MYO5B: variants seen among roughly 807,000 people sequenced by gnomAD.
MYO5B encodes myosin VB.
A neutral mutation model predicts 229.3 loss-of-function variants in MYO5B; 143 were observed. That is an observed-to-expected ratio of 0.62 (90% CI 0.54 to 0.72). The LOEUF (loss-of-function observed/expected upper bound fraction) is 0.72, where lower values mean the gene tolerates loss of function less well. Among genes scored for constraint, MYO5B ranks in the 30% least tolerant of loss-of-function variants. MYO5B has a pLI of 0.00. For missense variants in MYO5B, 2,321 were observed against 2,331.0 expected, an observed-to-expected ratio of 1.00 and a Z score of 0.09; for synonymous variants, 918 against 885.2, an observed-to-expected ratio of 1.04 and a Z score of -0.66.
rs1357624393 is a variant in MYO5B at position 49,823,796 on chromosome 18, T to C, written c.*2675A>G. The C allele has an allele frequency of 4.6e-5, 7 of 152,500 alleles. No individual in the cohort carries two copies. The highest frequency in any genetic ancestry group is 7.3e-5 in the Non-Finnish European group (5 of 68,038). 9.4% of individuals were successfully genotyped at this position (152,500 alleles called of 1,614,324 possible). ...GCTTGTCAGCTTCAGCAACAACTCATGTGTACATTCACATTTACTATAAGT... is the reference window on the plus strand; with the variant it reads ...GCTTGTCAGCTTCAGCAACAACTCACGTGTACATTCACATTTACTATAAGT... On this transcript the variant is annotated 3_prime_UTR_variant, in exon 40 of 40. Transcript: ENST00000285039.
chr18:49,910,457 A>C (rs1419519479), intron 18 of MYO5B, among the ~76,000 whole-genome samples: 3 of 152,176 alleles, frequency 2.0e-5, no homozygotes, highest in Non-Finnish European at 1.5e-5. Context: ...ATAAAAAGTA[A>C]GATGTTAAAA....
intron 2 of MYO5B, among the ~76,000 whole-genome samples, chr18:50,043,621 AATAT>A (rs1568083634): frequency 7.4e-6 from 1 of 134,560 alleles, no homozygotes; most frequent in Non-Finnish European, 1.5e-5. Context: ...AATATATATA[AATAT>A]ATAAATATAT....
chr18:50,068,229 G>A lies in MYO5B; in HGVS notation c.28-12851C>T, dbSNP rs566760545. Among the ~76,000 whole-genome samples, 4 of 152,322 alleles carry A rather than the reference G, an allele frequency of 2.6e-5. No individual in the cohort carries two copies. In the South Asian group the frequency reaches 8.3e-4, roughly 32 times the overall value. ...ATATGTGAGATTAATGGTAGATACT[G>A]AAATATGTGCACATCCCTATTTTAA... On this transcript the variant is annotated intron_variant, in intron 1 of 39. Coordinates refer to ENST00000285039, the MANE Select transcript of MYO5B (RefSeq NM_001080467.3).
intron 9 of MYO5B, among the ~76,000 whole-genome samples, 183 bp from the exon 10 acceptor site, chr18:49,974,798 G>GACACACCCACACACACACACACACAC (rs2025730825): frequency 7.6e-6 from 1 of 130,996 alleles, no homozygotes; most frequent in Non-Finnish European, 1.6e-5. Flanking sequence ...CACACACACA[G>GACACACCCACACACACACACACACAC]ACACACACAC....
chr18:50,132,254 T>C (rs1171891689), intron 1 of MYO5B, among the ~76,000 whole-genome samples: 1 of 152,130 alleles, frequency 6.6e-6, no homozygotes, highest in Non-Finnish European at 1.5e-5. Flanking sequence ...TTGGGCATGG[T>C]TGGAGGAGCA....
intron 4 of MYO5B, among the ~76,000 whole-genome samples, chr18:50,017,591 C>T (rs964905148): frequency 8.5e-5 from 13 of 152,146 alleles, no homozygotes; most frequent in African/African-American, 2.4e-4. Context: ...TTACGAATAA[C>T]GCTACTATAA....
chr18:50,059,089 C>A (rs1287302827), intron 1 of MYO5B, among the ~76,000 whole-genome samples: 2 of 152,180 alleles, frequency 1.3e-5, no homozygotes, highest in African/African-American at 4.8e-5. Flanking sequence ...ATCAGTTTCA[C>A]CTCATTACAG....
intron 1 of MYO5B, 125 bp from the exon 2 acceptor site, chr18:50,055,503 C>G (rs1164794074): frequency 5.4e-6 from 4 of 744,890 alleles, no homozygotes; most frequent in Non-Finnish European, 9.4e-6. Flanking sequence ...ATCTCCCCAC[C>G]TTCTCATTTC....
intron 1 of MYO5B, among the ~76,000 whole-genome samples, chr18:50,164,032 G>T (rs903683667): frequency 1.3e-5 from 2 of 152,174 alleles, no homozygotes; most frequent in Admixed American, 6.5e-5. Context: ...TACAGGCAAA[G>T]AATATTTCAA....
intron 1 of MYO5B, among the ~76,000 whole-genome samples, chr18:50,123,143 A>T (rs2032098711): frequency 6.6e-6 from 1 of 152,246 alleles, no homozygotes; most frequent in Admixed American, 6.5e-5. Flanking sequence ...CCTACTATGC[A>T]GGTGAACCTC....
At chr18:50,109,616 CAG>C (rs1489353041) in intron 1 of MYO5B, among the ~76,000 whole-genome samples, 1 of 151,916 alleles carries the variant, frequency 6.6e-6, no homozygotes, top group Non-Finnish European at 1.5e-5. Flanking sequence ...TTAGTAGAGA[CAG>C]GGTCTCACCG....
chr18:49,838,429 C>T (rs945346802), intron 36 of MYO5B, among the ~76,000 whole-genome samples: 4 of 152,176 alleles, frequency 2.6e-5, no homozygotes, highest in Non-Finnish European at 5.9e-5. Context: ...CTCCCTCTGT[C>T]TGGTGCCTTA....
At chr18:50,099,943 C>A (rs1484057413) in intron 1 of MYO5B, among the ~76,000 whole-genome samples, 1 of 152,090 alleles carries the variant, frequency 6.6e-6, no homozygotes, top group African/African-American at 2.4e-5. Context: ...GGACACTGGA[C>A]ATAGGACCAG....
In MYO5B at chr18:50,080,079, T is replaced by C. The variant is rs116112095; in HGVS notation, c.28-24701A>G. Among the ~76,000 whole-genome samples, 328 of 152,324 alleles carry C rather than the reference T, an allele frequency of 2.2e-3. 1 individual carries two copies. Among genetic ancestry groups the C allele is most frequent in the African/African-American group, 7.5e-3 (312 of 41,582 alleles). On this transcript the variant is annotated intron_variant, in intron 1 of 39. Transcript: ENST00000285039. ...GGCCCTGAATACAATCACATTATTG[T>C]GCAACCAACACCACTGTCCATGTCC...
At chr18:50,013,505 C>CCAAAAA (rs2026183939) in intron 4 of MYO5B, among the ~76,000 whole-genome samples, 1 of 152,330 alleles carries the variant, frequency 6.6e-6, no homozygotes, top group South Asian at 2.1e-4. Context: ...CCAAAAACAG[C>CCAAAAA]CAGCCCTCTT....
chr18:50,160,084 G>T (rs35783312), intron 1 of MYO5B, among the ~76,000 whole-genome samples: 1 of 152,230 alleles, frequency 6.6e-6, no homozygotes, highest in African/African-American at 2.4e-5. Flanking sequence ...ATGCTAACAC[G>T]CACAACGTAC....
intron 1 of MYO5B, among the ~76,000 whole-genome samples, chr18:50,166,319 T>C (rs1423424577): frequency 6.6e-6 from 1 of 152,236 alleles, no homozygotes; most frequent in Non-Finnish European, 1.5e-5. Context: ...TTCTGTGCCC[T>C]GAATACTGGT....
chr18:50,026,344 G>A (rs1267414235), intron 4 of MYO5B, among the ~76,000 whole-genome samples: 2 of 152,150 alleles, frequency 1.3e-5, no homozygotes, highest in South Asian at 2.1e-4. Flanking sequence ...ACATTTAAAC[G>A]CTATTCTGGG....
chr18:49,825,131 C>G lies in MYO5B; in HGVS notation c.*1340G>C, dbSNP rs908667040. On this transcript the variant is annotated 3_prime_UTR_variant, in exon 40 of 40. Transcript: ENST00000285039. ...CATGATTTGCAAATACCATTTTTTTCTTATGGGAACAGCATACTGCTATCA... is the reference window on the plus strand; with the variant it reads ...CATGATTTGCAAATACCATTTTTTTGTTATGGGAACAGCATACTGCTATCA... 3 of 151,696 alleles carry G rather than the reference C, an allele frequency of 2.0e-5. No homozygotes were observed. Among genetic ancestry groups the G allele is most frequent in the African/African-American group, 7.3e-5 (3 of 41,292 alleles). 9.4% of individuals were successfully genotyped at this position (151,696 alleles called of 1,614,324 possible).
Sources: allele counts gnomAD v4.1 joint callset (sites outside exome capture counted in the v4.1 genomes callset), GRCh38; gene constraint gnomAD v4.1.1; transcripts MANE v1.5; gene names NCBI Gene and HGNC (gene_info 2026-07-23, HGNC 2026-07-21).